Variants in TG observed in about 807,000 individuals in gnomAD.
TG encodes thyroid hormones.
A neutral mutation model predicts 324.7 loss-of-function variants in TG; 270 were observed. The ratio of observed to expected loss-of-function variants is 0.83; its 90% confidence interval spans 0.75 to 0.92. The LOEUF is 0.92. TG is among the 40% of genes least tolerant of loss of function. TG has a pLI of 0.00. For missense variants in TG, 3,591 were observed against 3,456.4 expected, an observed-to-expected ratio of 1.04 and a Z score of -0.98; for synonymous variants, 1,401 against 1,327.0, an observed-to-expected ratio of 1.06 and a Z score of -1.21.
intron 41 of TG, among the ~76,000 whole-genome samples, chr8:133,054,312 T>C (rs2131263999): frequency 6.6e-6 from 1 of 152,282 alleles, no homozygotes; most frequent in East Asian, 1.9e-4. Flanking sequence ...ACATATGCAC[T>C]GCGCATGAAA....
chr8:132,950,212 C>A (rs1825912096), intron 27 of TG, among the ~76,000 whole-genome samples: 1 of 152,162 alleles, frequency 6.6e-6, no homozygotes, highest in African/African-American at 2.4e-5. Context: ...AGCCCTGCTC[C>A]TCGTTGTCTA....
At chr8:132,991,917 A>G (rs961208185) in intron 35 of TG, among the ~76,000 whole-genome samples, 1 of 152,092 alleles carries the variant, frequency 6.6e-6, no homozygotes, top group Non-Finnish European at 1.5e-5. Context: ...CAGCTGGCAA[A>G]CTGGTGCTGC....
rs1317662171 is a variant in TG, at chr8:132,964,989, G to T, written c.5549-1571G>T. On this transcript the variant is annotated intron_variant, in intron 29 of 47. Transcript: ENST00000220616. Reference sequence around the variant, plus strand: ...GGGAACACCTGTGCCAAGGCTCTGAGAGCAGGTGTGCCTTCAGTCCTGCTG... The same window carrying T: ...GGGAACACCTGTGCCAAGGCTCTGATAGCAGGTGTGCCTTCAGTCCTGCTG... The T allele has an allele frequency of 1.0e-5, 7 of 698,678 alleles. No homozygotes were observed. In the East Asian group the frequency reaches 1.9e-4, roughly 19 times the overall value. 43.3% of individuals were successfully genotyped at this position (698,678 alleles called of 1,614,324 possible). A position where few individuals can be genotyped will look rare whatever the true frequency, so the allele number is the denominator to read the frequency against.
intron 45 of TG, among the ~76,000 whole-genome samples, chr8:133,120,427 G>A (rs1350708039): frequency 6.6e-6 from 1 of 152,174 alleles, no homozygotes; most frequent in African/African-American, 2.4e-5. Context: ...AAACTGGGCA[G>A]CTTAGAGCAA....
chr8:133,038,667 G>C (rs767082161), intron 41 of TG: 1 of 1,613,994 alleles, frequency 6.2e-7, no homozygotes, highest in South Asian at 1.1e-5. Flanking sequence ...ATGCTCTCTC[G>C]AAGGCCATAG....
chr8:133,004,033 T>C (rs760794643), intron 35 of TG, among the ~76,000 whole-genome samples: 7 of 152,222 alleles, frequency 4.6e-5, no homozygotes, highest in Non-Finnish European at 5.9e-5. Context: ...ACTTCTTACC[T>C]GCTAAATAGA....
chr8:132,983,291 T>G, intron 34 of TG, 59 bp from the exon 35 acceptor site: 1 of 1,565,674 alleles, frequency 6.4e-7, no homozygotes, highest in Non-Finnish European at 8.8e-7. Context: ...TAATGCCTTC[T>G]GAACTCGATG....
chr8:132,958,483 G>T (rs996346853), intron 27 of TG, among the ~76,000 whole-genome samples: 6 of 152,166 alleles, frequency 3.9e-5, no homozygotes, highest in African/African-American at 1.4e-4. Context: ...ACTTTGGGAG[G>T]CCAAGGTAGG....
chr8:132,904,838 T>C (rs1206429608), intron 16 of TG, among the ~76,000 whole-genome samples: 1 of 152,214 alleles, frequency 6.6e-6, no homozygotes, highest in Non-Finnish European at 1.5e-5. Context: ...GGAAGGATGC[T>C]TACACACTCA....
intron 45 of TG, among the ~76,000 whole-genome samples, chr8:133,128,751 C>A (rs748908129): frequency 6.6e-6 from 1 of 152,170 alleles, no homozygotes; most frequent in East Asian, 1.9e-4. Context: ...GGGGCAAGTT[C>A]CACTGCAATG....
intron 8 of TG, among the ~76,000 whole-genome samples, chr8:132,885,831 C>A (rs190290641): frequency 6.6e-6 from 1 of 152,294 alleles, no homozygotes; most frequent in East Asian, 1.9e-4. Context: ...CAGAATTCTT[C>A]CTTGCCCCTT....
At position 133,019,536 on chromosome 8, in the gene TG, A is replaced by G. The variant is rs183477506; in HGVS notation, c.6783-66A>G. ...TGGAATGGGGTAGTGGGCTCTGACC[A>G]TGGTGGTGGGTGGGGAGGGGTGGTG... On this transcript the variant is annotated intron_variant, in intron 38 of 47. Coordinates refer to ENST00000220616, the MANE Select transcript of TG (RefSeq NM_003235.5). 4 of 1,384,676 alleles carry G rather than the reference A, an allele frequency of 2.9e-6. No homozygotes were observed. In the Admixed American group the frequency reaches 5.1e-5, roughly 18 times the overall value. 85.8% of individuals were successfully genotyped at this position (1,384,676 alleles called of 1,614,324 possible). A position where few individuals can be genotyped will look rare whatever the true frequency, so the allele number is the denominator to read the frequency against.
intron 41 of TG, among the ~76,000 whole-genome samples, chr8:133,090,492 C>G (rs1847321472): frequency 6.6e-6 from 1 of 152,250 alleles, no homozygotes; most frequent in African/African-American, 2.4e-5. Flanking sequence ...GGCAGCCCCA[C>G]AGCTGCTTTG....
At chr8:132,881,831 G>T in intron 5 of TG, 32 bp from the exon 6 acceptor site, 1 of 1,479,656 alleles carries the variant, frequency 6.8e-7, no homozygotes, top group Non-Finnish European at 9.5e-7. Flanking sequence ...TTGCCTTTAT[G>T]AATGGTGACC....
At chr8:133,083,495 G>A (rs2131550444) in intron 41 of TG, among the ~76,000 whole-genome samples, 1 of 152,222 alleles carries the variant, frequency 6.6e-6, no homozygotes, top group African/African-American at 2.4e-5. Context: ...TGGTTAGAGG[G>A]GGTGTTGGAC....
At chr8:133,006,231 G>T (rs1336069624) in intron 35 of TG, among the ~76,000 whole-genome samples, 1 of 152,194 alleles carries the variant, frequency 6.6e-6, no homozygotes, top group South Asian at 2.1e-4. Flanking sequence ...TTCTTCACTA[G>T]CCTAAGCTGT....
chr8:133,065,696 A>C (rs1842937873), intron 41 of TG, among the ~76,000 whole-genome samples: 1 of 152,168 alleles, frequency 6.6e-6, no homozygotes, highest in African/African-American at 2.4e-5. Context: ...CAGTGGGCGG[A>C]GGTGGCAGTG....
intron 32 of TG, among the ~76,000 whole-genome samples, chr8:132,970,137 C>T (rs758292486): frequency 3.9e-5 from 6 of 151,986 alleles, no homozygotes; most frequent in Non-Finnish European, 7.4e-5. Flanking sequence ...CAAAACCTCA[C>T]ATTGCAGTGC....
chr8:133,050,938 G>C (rs376454619), intron 41 of TG: 1 of 1,448,140 alleles, frequency 6.9e-7, no homozygotes, highest in East Asian at 2.3e-5. Context: ...AGGCAAGGGG[G>C]AAGGGGGCAA....
Sources: allele counts gnomAD v4.1 joint callset (sites outside exome capture counted in the v4.1 genomes callset), GRCh38; gene constraint gnomAD v4.1.1; transcripts MANE v1.5; gene names NCBI Gene and HGNC (gene_info 2026-07-23, HGNC 2026-07-21).